Variants in SRPK1 observed in about 807,000 individuals in gnomAD.
SRPK1 encodes SFRS protein kinase 1.
SRPK1 carries 52 observed loss-of-function variants against 89.5 expected under a neutral mutation model. That is an observed-to-expected ratio of 0.58 (90% confidence interval 0.46 to 0.73). The LOEUF is 0.73. Among genes scored for constraint, SRPK1 ranks in the 30% least tolerant of loss-of-function variants. SRPK1 has a pLI of 0.00. For synonymous variants in SRPK1, 255 were observed against 270.2 expected (o/e 0.94, Z 0.55); for missense variants, 603 against 780.6 (o/e 0.77, Z 2.71).
intron 6 of SRPK1, 117 bp downstream of exon 6, chr6:35,886,607 A>G: frequency 1.4e-6 from 1 of 690,182 alleles, no homozygotes; most frequent in Non-Finnish European, 2.6e-6. Flanking sequence ...ACAATAAAAG[A>G]GGTAATTTTA....
chr6:35,838,482 G>A (rs1301334571), intron 14 of SRPK1, 53 bp from the exon 15 acceptor site: 4 of 1,469,062 alleles, frequency 2.7e-6, no homozygotes, highest in Admixed American at 5.0e-5. Context: ...CGTAACAAGA[G>A]TAACAAATGC....
chr6:35,836,056 C>T (rs762348328), intron 15 of SRPK1, among the ~76,000 whole-genome samples: 4 of 152,136 alleles, frequency 2.6e-5, no homozygotes, highest in Non-Finnish European at 5.9e-5. Flanking sequence ...TACCAATACC[C>T]CCTATGGTAC....
intron 6 of SRPK1, among the ~76,000 whole-genome samples, chr6:35,875,133 C>T (rs1488852683): frequency 6.6e-6 from 1 of 152,074 alleles, no homozygotes; most frequent in Non-Finnish European, 1.5e-5. Flanking sequence ...TGGCCAAATC[C>T]AAGGTAGGAA....
chr6:35,877,040 G>A lies in SRPK1; in HGVS notation c.479-2701C>T, dbSNP rs146589565. The stretch of plus-strand genomic sequence containing the variant: ...GATTCAGCAAAGCACATGTGTGTGA[G>A]GAAACTAGCAGAGGCAGAGAAGAAA... On this transcript the variant is annotated intron_variant, in intron 6 of 15. Coordinates refer to ENST00000373825, the MANE Select transcript of SRPK1 (RefSeq NM_003137.5). Among the ~76,000 whole-genome samples, 14 of 152,312 alleles carry A rather than the reference G, an allele frequency of 9.2e-5. No individual in the cohort carries two copies. In the East Asian group the frequency reaches 2.5e-3, roughly 27 times the overall value.
intron 12 of SRPK1, among the ~76,000 whole-genome samples, chr6:35,858,400 A>T (rs1027302650): frequency 1.3e-4 from 20 of 152,212 alleles, no homozygotes; most frequent in Admixed American, 1.2e-3. Flanking sequence ...GAAAGTGCAC[A>T]TCAAATTTTT....
intron 2 of SRPK1, among the ~76,000 whole-genome samples, chr6:35,912,446 TA>T (rs1161217044): frequency 2.1e-4 from 32 of 152,170 alleles, no homozygotes; most frequent in Non-Finnish European, 2.9e-5. Context: ...TTTTTAGCAA[TA>T]ACGTATTTTT....
chr6:35,871,648 T>G (rs1168635179), intron 8 of SRPK1, among the ~76,000 whole-genome samples: 3 of 152,138 alleles, frequency 2.0e-5, no homozygotes, highest in Non-Finnish European at 4.4e-5. Context: ...ATAACTCAAC[T>G]TGAGGATCAA....
At chr6:35,858,777 T>C (rs1769718088) in intron 12 of SRPK1, among the ~76,000 whole-genome samples, 1 of 151,892 alleles carries the variant, frequency 6.6e-6, no homozygotes, top group East Asian at 1.9e-4. Flanking sequence ...ACAGGGGACA[T>C]ATATATAGAG....
intron 10 of SRPK1, 109 bp downstream of exon 10, chr6:35,870,172 A>C: frequency 1.0e-6 from 1 of 975,584 alleles, no homozygotes; most frequent in Non-Finnish European, 1.5e-6. Context: ...ATTCTTATAA[A>C]GATACCCCCA....
rs936938957 is a variant in SRPK1 at position 35,869,099 on chromosome 6, C to T, written c.1423G>A (p.Ala475Thr). ...AGGGGATTAACAAGAAAATTTCCAG[C>T]CGTGGATTTTCCTACAGACAACAGG... ...GPLDNKGKST[A>T]GNFLVNPLEP... Residue 475 changes from alanine (A) to threonine (T), a missense_variant, in exon 12 of 16, where the codon GCT (alanine) becomes ACT (threonine). By Grantham distance (58) the Ala-to-Thr change is moderately conservative (BLOSUM62 0). Coordinates refer to ENST00000373825, the MANE Select transcript of SRPK1 (RefSeq NM_003137.5). 4 of 1,613,216 alleles carry T rather than the reference C, an allele frequency of 2.5e-6. No homozygotes were observed. In the African/African-American group the frequency reaches 5.3e-5, roughly 22 times the overall value.
intron 6 of SRPK1, among the ~76,000 whole-genome samples, chr6:35,881,400 T>C (rs1037342965): frequency 6.6e-6 from 1 of 151,980 alleles, no homozygotes; most frequent in Admixed American, 6.6e-5. Context: ...GCTAGTATGA[T>C]TATAACTTTG....
intron 12 of SRPK1, among the ~76,000 whole-genome samples, chr6:35,862,059 C>T (rs576089401): frequency 3.9e-5 from 6 of 152,146 alleles, no homozygotes; most frequent in Admixed American, 2.6e-4. Flanking sequence ...TAGCCCCCTC[C>T]GACCCATCAC....
intron 12 of SRPK1, among the ~76,000 whole-genome samples, chr6:35,859,602 A>G (rs1009727399): frequency 2.6e-5 from 4 of 152,230 alleles, no homozygotes; most frequent in Admixed American, 6.5e-5. Flanking sequence ...AAATCTGTGC[A>G]TAAGTGGACT....
chr6:35,869,422 G>C (rs1769982484), intron 11 of SRPK1, 60 bp downstream of exon 11: 1 of 1,543,362 alleles, frequency 6.5e-7, no homozygotes, highest in Admixed American at 1.8e-5. Flanking sequence ...TTTTAGTCTA[G>C]AAATCTGTGA....
At chr6:35,893,747 G>A (rs1353843791) in intron 2 of SRPK1, among the ~76,000 whole-genome samples, 4 of 152,136 alleles carry the variant, frequency 2.6e-5, no homozygotes, top group Admixed American at 6.6e-5. Flanking sequence ...AGAAAAAGCT[G>A]GCCAGGCACG....
At chr6:35,876,085 T>TAAAAAA (rs34493292) in intron 6 of SRPK1, among the ~76,000 whole-genome samples, 332 of 77,142 alleles carry the variant, frequency 4.3e-3, no homozygotes, top group Middle Eastern at 0.013. Context: ...ATTCTTAAAT[T>TAAAAAA]AAAAAAAAAA....
chr6:35,890,476 A>G (rs2301510), intron 3 of SRPK1, among the ~76,000 whole-genome samples: 47,963 of 152,110 alleles, frequency 0.32, 7,800 homozygotes, highest in South Asian at 0.42. Context: ...CAGGCAACCT[A>G]ATGACACCAT....
chr6:35,858,558 T>C (rs1264892531), intron 12 of SRPK1, among the ~76,000 whole-genome samples: 1 of 152,142 alleles, frequency 6.6e-6, no homozygotes, highest in Admixed American at 6.5e-5. Flanking sequence ...TATAAAACAA[T>C]GGAGCAACGA....
At chr6:35,840,820 G>A (rs1408668064) in intron 14 of SRPK1, among the ~76,000 whole-genome samples, 4 of 152,134 alleles carry the variant, frequency 2.6e-5, no homozygotes, top group Admixed American at 6.5e-5. Flanking sequence ...GAACAGCATC[G>A]GTGGGGCTGA....
Sources: gnomAD v4.1 joint callset for allele counts (sites outside exome capture counted in the v4.1 genomes callset) on GRCh38, gnomAD v4.1.1 for gene constraint, MANE v1.5 for transcripts, NCBI Gene and HGNC (gene_info 2026-07-23, HGNC 2026-07-21) for gene names.